The following PPP1R21 variants were observed in gnomAD, a reference collection of about 807,000 sequenced individuals.
The protein encoded by PPP1R21 is protein phosphatase 1 regulatory subunit 21, also known as KLRAQ motif containing 1.
In PPP1R21, 85 loss-of-function variants were observed where a neutral mutation model predicts 112.8. The observed-to-expected ratio is 0.75, with a 90% confidence interval of 0.63 to 0.90. The LOEUF (loss-of-function observed/expected upper bound fraction) is 0.90, where lower values mean the gene tolerates loss of function less well. PPP1R21 is among the 40% of genes least tolerant of loss of function. The pLI, the probability that PPP1R21 is intolerant of heterozygous loss-of-function variation, is 0.00. For missense variants in PPP1R21, 1,199 were observed against 901.5 expected (o/e 1.33, Z -4.23); for synonymous variants, 381 against 322.3 (o/e 1.18, Z -1.95).
In PPP1R21 at chr2:48,460,129, A is replaced by T; in HGVS notation, c.575A>T (p.Glu192Val). Residue 192 changes from glutamate (E) to valine (V), a missense_variant, in exon 6 of 22, where the codon GAA (glutamate) becomes GTA (valine). Glu to Val is a moderately radical substitution (Grantham distance 121). Transcript: ENST00000294952. ...KSQTLEKEAK[E>V]CRLRTEECQL... ...CAGACTCTAGAAAAGGAAGCCAAGG[A>T]ATGTCGACTTCGAACGGAAGAATGG... The T allele has an allele frequency of 1.9e-6, 3 of 1,614,172 alleles. No individual in the cohort carries two copies. The highest frequency in any genetic ancestry group is 2.5e-6 in the Non-Finnish European group (3 of 1,180,030).
intron 16 of PPP1R21, among the ~76,000 whole-genome samples, chr2:48,497,813 G>C (rs1480365888): frequency 6.6e-6 from 1 of 151,912 alleles, no homozygotes; most frequent in Non-Finnish European, 1.5e-5. Context: ...CGCCACACCT[G>C]GCTAATTTTT....
chr2:48,491,447 A>G (rs1169012105), intron 15 of PPP1R21, among the ~76,000 whole-genome samples: 1 of 152,140 alleles, frequency 6.6e-6, no homozygotes, highest in African/African-American at 2.4e-5. Context: ...CAAACAGTAA[A>G]TATTGAACTT....
chr2:48,471,500 CG>C lies in PPP1R21; in HGVS notation c.1088+134del, dbSNP rs1558461694. ...CTGCTTCACAGTTAATTTGGACTTCCGTGAAAAAGGAAAAGCATGGTTGAGC... is the reference window on the plus strand; with the variant it reads ...CTGCTTCACAGTTAATTTGGACTTCCTGAAAAAGGAAAAGCATGGTTGAGC... On this transcript the variant is annotated intron_variant, in intron 11 of 21. Transcript: ENST00000294952. 5 of 856,182 alleles carry C rather than the reference CG, an allele frequency of 5.8e-6. No individual in the cohort carries two copies. In the Admixed American group the frequency reaches 1.3e-4, roughly 22 times the overall value. 53.0% of individuals were successfully genotyped at this position (856,182 alleles called of 1,614,324 possible).
chr2:48,453,136 T>G (rs1459201012), intron 2 of PPP1R21, among the ~76,000 whole-genome samples: 1 of 152,096 alleles, frequency 6.6e-6, no homozygotes, highest in Non-Finnish European at 1.5e-5. Flanking sequence ...GTATTTTTAG[T>G]AGAGTCGGAG....
At chr2:48,489,567 T>C (rs1276634128) in intron 14 of PPP1R21, among the ~76,000 whole-genome samples, 2 of 151,760 alleles carry the variant, frequency 1.3e-5, no homozygotes, top group Non-Finnish European at 2.9e-5. Flanking sequence ...TCTTGAACTC[T>C]GGGCTCAAGC....
intron 13 of PPP1R21, among the ~76,000 whole-genome samples, chr2:48,481,057 C>G (rs1213750014): frequency 6.6e-5 from 10 of 152,130 alleles, no homozygotes; most frequent in Admixed American, 6.5e-4. Flanking sequence ...GGTGTGATCT[C>G]CGCTCACTGC....
rs1177250468 is a variant in PPP1R21, at chr2:48,474,190, CT to C, written c.1089-492del. ...CCGAGGTCAGGAGTTCGAGACCAGC[CT>C]GACCAACACAGTGAAACCTTGTCTC... On this transcript the variant is annotated intron_variant, in intron 11 of 21. Transcript: ENST00000294952. Among the ~76,000 whole-genome samples the C allele has an allele frequency of 4.6e-5, 7 of 151,716 alleles. No individual in the cohort carries two copies. The East Asian group carries it at 1.3e-3, about 29-fold the overall frequency.
chr2:48,488,307 A>C (rs1291006662), intron 14 of PPP1R21, among the ~76,000 whole-genome samples: 1 of 152,062 alleles, frequency 6.6e-6, no homozygotes, highest in Non-Finnish European at 1.5e-5. Flanking sequence ...TAACTGATTC[A>C]GTTAAGAAAA....
At chr2:48,449,776 TA>T (rs1219305560) in intron 1 of PPP1R21, among the ~76,000 whole-genome samples, 1 of 151,580 alleles carries the variant, frequency 6.6e-6, no homozygotes, top group Non-Finnish European at 1.5e-5. Context: ...TTTTTTTTTT[TA>T]AAGCTCACAT....
chr2:48,456,508 C>T (rs982345241), intron 3 of PPP1R21, among the ~76,000 whole-genome samples: 2 of 152,116 alleles, frequency 1.3e-5, no homozygotes. Flanking sequence ...ACCTTGTAAT[C>T]TTAGTTTCTC....
At chr2:48,479,119 C>G (rs1358182512) in intron 12 of PPP1R21, among the ~76,000 whole-genome samples, 6 of 152,110 alleles carry the variant, frequency 3.9e-5, no homozygotes, top group African/African-American at 2.4e-5. Context: ...AGCACCACGC[C>G]CAAGGTAGAG....
chr2:48,498,230 C>T (rs955832924), intron 16 of PPP1R21, among the ~76,000 whole-genome samples: 2 of 150,624 alleles, frequency 1.3e-5, no homozygotes, highest in Non-Finnish European at 3.0e-5. Flanking sequence ...GATTCTAATT[C>T]AATTCTGAGT....
intron 2 of PPP1R21, 127 bp downstream of exon 2, chr2:48,451,203 A>G: frequency 1.4e-6 from 1 of 698,628 alleles, no homozygotes; most frequent in South Asian, 1.7e-5. Context: ...AGGGGACAGT[A>G]ATACAGTCTT....
rs1319006715 is a variant in PPP1R21 at position 48,444,309 on chromosome 2, CAGAGGTTTGT to C, written c.57+3300_57+3309del. Among the ~76,000 whole-genome samples, 13 of 152,138 alleles carry C rather than the reference CAGAGGTTTGT, an allele frequency of 8.5e-5. No individual in the cohort carries two copies. In the East Asian group the frequency reaches 2.5e-3, roughly 29 times the overall value. On this transcript the variant is annotated intron_variant, in intron 1 of 21. Coordinates refer to ENST00000294952, the MANE Select transcript of PPP1R21 (RefSeq NM_001135629.3). ...ATGAATGTGTGTAGAGGCTGGTTTT[CAGAGGTTTGT>C]GAAGTTAATAACAGATGCAAGCTAC...
intron 8 of PPP1R21, 32 bp downstream of exon 8, chr2:48,465,021 G>A (rs1456125686): frequency 6.6e-7 from 1 of 1,523,682 alleles, no homozygotes; most frequent in Non-Finnish European, 8.8e-7. Flanking sequence ...TTTATTTTCA[G>A]TTATATATAC....
At chr2:48,469,320 CATATATATATAGAG>C (rs1668361280) in intron 9 of PPP1R21, among the ~76,000 whole-genome samples, 1 of 19,304 alleles carries the variant, frequency 5.2e-5, no homozygotes, top group Non-Finnish European at 8.6e-5. Flanking sequence ...CACACACACA[CATATATATATAGAG>C]CATATATATA....
At chr2:48,474,099 A>G (rs1218919747) in intron 11 of PPP1R21, among the ~76,000 whole-genome samples, 1 of 152,174 alleles carries the variant, frequency 6.6e-6, no homozygotes, top group Non-Finnish European at 1.5e-5. Context: ...ATTTAAAAAT[A>G]TGGCCGGGCG....
At chr2:48,479,160 A>G (rs1668891237) in intron 12 of PPP1R21, among the ~76,000 whole-genome samples, 1 of 152,162 alleles carries the variant, frequency 6.6e-6, no homozygotes. Context: ...GCTGGGTGAA[A>G]GAAGGGGAAC....
chr2:48,490,024 G>A (rs1669487867), intron 14 of PPP1R21, among the ~76,000 whole-genome samples: 1 of 151,856 alleles, frequency 6.6e-6, no homozygotes, highest in African/African-American at 2.4e-5. Flanking sequence ...CAGCCTGGGT[G>A]ACAGAGCAAG....
Sources: gnomAD v4.1 joint callset for allele counts (sites outside exome capture counted in the v4.1 genomes callset) on GRCh38, gnomAD v4.1.1 for gene constraint, MANE v1.5 for transcripts, NCBI Gene and HGNC (gene_info 2026-07-23, HGNC 2026-07-21) for gene names.